Variants in MIF4GD observed in about 807,000 individuals in gnomAD.
The protein encoded by MIF4GD is MIF4G domain-containing protein.
In MIF4GD, 22 loss-of-function variants were observed where a neutral mutation model predicts 26.7. The ratio of observed to expected loss-of-function variants is 0.82; its 90% CI spans 0.59 to 1.18. The LOEUF (loss-of-function observed/expected upper bound fraction) is 1.18. Ranked by LOEUF, MIF4GD falls within the 50% of genes most tolerant of loss-of-function variation. The pLI, the probability that MIF4GD is intolerant of heterozygous loss-of-function variation, is 0.00. For synonymous variants in MIF4GD, 137 were observed against 111.6 expected, an observed-to-expected ratio of 1.23 and a Z score of -1.43; for missense variants, 262 against 279.6, an observed-to-expected ratio of 0.94 and a Z score of 0.45.
intron 5 of MIF4GD, 64 bp downstream of exon 5, chr17:75,267,474 A>G (rs748220751): frequency 6.5e-6 from 10 of 1,531,512 alleles, no homozygotes; most frequent in African/African-American, 2.7e-5. Context: ...GGGCTGACAC[A>G]CGGCTGAGCT....
chr17:75,266,407 CA>C lies in MIF4GD; in HGVS notation c.*332del. On this transcript the variant is annotated 3_prime_UTR_variant, in exon 6 of 6. Coordinates refer to ENST00000325102, the MANE Select transcript of MIF4GD (RefSeq NM_001370592.1). ...GCTCTGCCTCCACCCCTTGACATCCCAAAATATCCCACCAGTGGCTATGCTT... is the reference window on the plus strand; with the variant it reads ...GCTCTGCCTCCACCCCTTGACATCCCAAATATCCCACCAGTGGCTATGCTT... 2 of 416,922 alleles carry C rather than the reference CA, an allele frequency of 4.8e-6. No individual in the cohort carries two copies. The highest frequency in any genetic ancestry group is 4.5e-6 in the Non-Finnish European group (1 of 222,796). The allele number at this position is 416,922 out of a possible 1,614,324, so 25.8% of individuals were successfully genotyped here.
intron 4 of MIF4GD, 40 bp downstream of exon 4, chr17:75,267,706 A>G (rs1178292368): frequency 3.7e-6 from 6 of 1,612,036 alleles, no homozygotes; most frequent in Non-Finnish European, 5.1e-6. Context: ...CTCAGGAAAC[A>G]GGCCATGTCT....
chr17:75,268,049 C>G, intron 3 of MIF4GD, 34 bp downstream of exon 3: 1 of 1,609,578 alleles, frequency 6.2e-7, no homozygotes, highest in Admixed American at 1.7e-5. Context: ...GCACCTTCCT[C>G]AAAGCAGCTT....
chr17:75,270,278 G>T lies in MIF4GD; in HGVS notation c.-50-33C>A. 1 of 1,274,544 alleles carries T rather than the reference G, an allele frequency of 7.8e-7. No homozygotes were observed. Among genetic ancestry groups the T allele is most frequent in the Non-Finnish European group, 1.1e-6 (1 of 876,876 alleles). The allele number at this position is 1,274,544 out of a possible 1,614,324, so 79.0% of individuals were successfully genotyped here. On this transcript the variant is annotated intron_variant, in intron 1 of 5. Coordinates refer to ENST00000325102, the MANE Select transcript of MIF4GD (RefSeq NM_001370592.1). This position sits in a 1 kb window ranked among gnomAD's most constrained non-coding sequence, Gnocchi z 5.7. Reference sequence around the variant, plus strand: ...GAAGAGGCGAAGGGAGCGGCCTCAGGTGTGGAGCGCAGGGCGGGTTCCGTC... The same window carrying T: ...GAAGAGGCGAAGGGAGCGGCCTCAGTTGTGGAGCGCAGGGCGGGTTCCGTC...
intron 2 of MIF4GD, chr17:75,269,469 G>A (rs1416931589): frequency 1.2e-6 from 2 of 1,612,782 alleles, no homozygotes; most frequent in Admixed American, 3.3e-5. Flanking sequence ...AAGAGACGGG[G>A]CTATGGCAGC....
chr17:75,270,536 C>A lies in MIF4GD; in HGVS notation c.-50-291G>T. 3.4e-6 allele frequency: 1 copy of A among 293,022 alleles called. No homozygotes were observed. The highest frequency in any genetic ancestry group is 3.5e-5 in the South Asian group (1 of 28,634). The allele number at this position is 293,022 out of a possible 1,614,324, so 18.2% of individuals were successfully genotyped here. Reference sequence around the variant, plus strand: ...AGTCCCAGCAGGAGGCAGGAGTAGACTGGGGCAGGGTGTGTGCGGGCGGAC... The same window carrying A: ...AGTCCCAGCAGGAGGCAGGAGTAGAATGGGGCAGGGTGTGTGCGGGCGGAC... On this transcript the variant is annotated intron_variant, in intron 1 of 5. Coordinates refer to ENST00000325102, the MANE Select transcript of MIF4GD (RefSeq NM_001370592.1). This position sits in a 1 kb window ranked among gnomAD's most constrained non-coding sequence, Gnocchi z 5.7.
At chr17:75,268,807 C>T (rs1328820710) in intron 2 of MIF4GD, among the ~76,000 whole-genome samples, 1 of 151,858 alleles carries the variant, frequency 6.6e-6, no homozygotes, top group Non-Finnish European at 1.5e-5. Context: ...AGGTCAAGAC[C>T]AGCCTGGCCA....
Position 75,268,065 on chromosome 17 carries a change from C to A in MIF4GD, c.192+18G>T. On this transcript the variant is annotated intron_variant, in intron 3 of 5. Coordinates refer to ENST00000325102, the MANE Select transcript of MIF4GD (RefSeq NM_001370592.1). ...CACCTTCCTCAAAGCAGCTTCCTTT[C>A]CTCTCCCAACCCCCAACCTGAATGA... 1.2e-6 allele frequency: 2 copies of A among 1,613,344 alleles called. No individual in the cohort carries two copies. Among genetic ancestry groups the A allele is most frequent in the Non-Finnish European group, 1.7e-6 (2 of 1,179,290 alleles).
chr17:75,267,850 G>A lies in MIF4GD; in HGVS notation c.244C>T (p.Arg82Trp), dbSNP rs750318301. The change falls in exon 4 of 6, where the codon CGG (arginine) becomes TGG (tryptophan). Residue 82 changes from arginine (R) to tryptophan (W), a missense_variant. Coordinates refer to ENST00000325102, the MANE Select transcript of MIF4GD (RefSeq NM_001370592.1). Reference protein sequence around the residue: ...QSVFRRGLLNRLQQEYQAREQ... With the variant: ...QSVFRRGLLNWLQQEYQAREQ... ...CGAGCCTGGTACTCCTGCTGCAGCC[G>A]GTTGAGGAGTCCACGTCGGAAGACA... 57 of 1,613,838 alleles carry A rather than the reference G, an allele frequency of 3.5e-5. No individual in the cohort carries two copies. Among genetic ancestry groups the A allele is most frequent in the Non-Finnish European group, 4.5e-5 (53 of 1,180,020 alleles).
In MIF4GD at chr17:75,268,116, C is replaced by G. The variant is rs1208088240; in HGVS notation, c.159G>C (p.Lys53Asn). ...TGGCGTAGCACATGCGTCCTGCTTC[C>G]TTGCTGAACACACAGTCCTGCAGAG... ...DHSLQDCVFS[K>N]EAGRMCYAII... The change falls in exon 3 of 6, where the codon AAG (lysine) becomes AAC (asparagine). Residue 53 changes from lysine (K) to asparagine (N), a missense_variant. Coordinates refer to ENST00000325102, the MANE Select transcript of MIF4GD (RefSeq NM_001370592.1). 1.9e-6 allele frequency: 3 copies of G among 1,614,130 alleles called. No homozygotes were observed. The East Asian group carries it at 6.7e-5, about 36-fold the overall frequency.
At chr17:75,268,287 C>G in intron 2 of MIF4GD, 95 bp from the exon 3 acceptor site, 1 of 919,824 alleles carries the variant, frequency 1.1e-6, no homozygotes, top group East Asian at 2.5e-5. Flanking sequence ...CAGTAGAGCA[C>G]TCATATGCTT....
At chr17:75,269,741 C>CTTT (rs1207377348) in intron 2 of MIF4GD, among the ~76,000 whole-genome samples, 16 of 107,608 alleles carry the variant, frequency 1.5e-4, no homozygotes, top group East Asian at 1.2e-3. Flanking sequence ...TCTTTTCTTT[C>CTTT]TTTTTTTTTT....
intron 2 of MIF4GD, chr17:75,269,360 G>A: frequency 6.2e-7 from 1 of 1,614,058 alleles, no homozygotes; most frequent in Non-Finnish European, 8.5e-7. Flanking sequence ...TGTACTGCGT[G>A]TTACAGCGGG....
In MIF4GD at chr17:75,267,875, ACT is replaced by A. The variant is rs762277397; in HGVS notation, c.217_218del (p.Ser73CysfsTer40). On this transcript the variant is annotated frameshift_variant, in exon 4 of 6. Transcript: ENST00000325102. LOFTEE classifies it high-confidence loss of function. ...GGTTGAGGAGTCCACGTCGGAAGACACTCTGGCCTGCTTGTTTACTCTCTGCC... is the reference window on the plus strand; with the variant it reads ...GGTTGAGGAGTCCACGTCGGAAGACACTGGCCTGCTTGTTTACTCTCTGCC... Reference protein sequence around the residue: ...IQAESKQAGQSVFRRGLLNRL... With the variant: ...IQAESKQAGQXVFRRGLLNRL... 3.1e-6 allele frequency: 5 copies of A among 1,613,082 alleles called. No homozygotes were observed. The highest frequency in any genetic ancestry group is 2.2e-5 in the East Asian group (1 of 44,900).
At position 75,270,336 on chromosome 17, in the gene MIF4GD, C is replaced by T. The variant is rs1028613640; in HGVS notation, c.-50-91G>A. Reference sequence around the variant, plus strand: ...CCCTGGACGGGGCTGACGGCGCGCTCGGGACAGGGACTCCTGGGCGGTCCG... The same window carrying T: ...CCCTGGACGGGGCTGACGGCGCGCTTGGGACAGGGACTCCTGGGCGGTCCG... On this transcript the variant is annotated intron_variant, in intron 1 of 5. Coordinates refer to ENST00000325102, the MANE Select transcript of MIF4GD (RefSeq NM_001370592.1). This position sits in a 1 kb window ranked among gnomAD's most constrained non-coding sequence, Gnocchi z 5.7. 10 of 718,782 alleles carry T rather than the reference C, an allele frequency of 1.4e-5. No homozygotes were observed. Among genetic ancestry groups the T allele is most frequent in the Non-Finnish European group, 2.2e-5 (9 of 413,670 alleles). 44.5% of individuals were successfully genotyped at this position (718,782 alleles called of 1,614,324 possible). A position where few individuals can be genotyped will look rare whatever the true frequency, so the allele number is the denominator to read the frequency against.
Position 75,266,697 on chromosome 17 carries a change from A to G in MIF4GD, c.*43T>C. The G allele has an allele frequency of 6.3e-7, 1 of 1,575,880 alleles. No homozygotes were observed. The highest frequency in any genetic ancestry group is 1.1e-5 in the South Asian group (1 of 90,178). ...TCCACTGCCAGCTTTAGAGGTGGGTAGAAGAAAGGCCAGTGCTGGTGAGGA... is the reference window on the plus strand; with the variant it reads ...TCCACTGCCAGCTTTAGAGGTGGGTGGAAGAAAGGCCAGTGCTGGTGAGGA... On this transcript the variant is annotated 3_prime_UTR_variant, in exon 6 of 6. Coordinates refer to ENST00000325102, the MANE Select transcript of MIF4GD (RefSeq NM_001370592.1).
At chr17:75,268,613 A>G in intron 2 of MIF4GD, among the ~76,000 whole-genome samples, 1 of 150,504 alleles carries the variant, frequency 6.6e-6, no homozygotes, top group Admixed American at 6.6e-5. Context: ...CGGAGGTTGC[A>G]GTGAGCCGAG....
intron 5 of MIF4GD, 81 bp from the exon 6 acceptor site, chr17:75,267,048 T>C: frequency 7.9e-7 from 1 of 1,265,762 alleles, no homozygotes; most frequent in African/African-American, 1.5e-5. Flanking sequence ...TGCCAGGTGC[T>C]GTGCTTTGCC....
rs2077505721 is a variant in MIF4GD, at chr17:75,266,913, T to A, written c.496A>T (p.Asn166Tyr). The change falls in exon 6 of 6, where the codon AAT (asparagine) becomes TAT (tyrosine). Residue 166 changes from asparagine (N) to tyrosine (Y), a missense_variant. By Grantham distance (143) the Asn-to-Tyr change is moderately radical (BLOSUM62 -2). Transcript: ENST00000325102. ...AAGAGCTCATCCATGCGCTGCCCAT[T>A]CATTTTCTCCAGCTGCTCCCCAACC... Reference protein sequence around the residue: ...HRVGEQLEKMNGQRMDELFVL... With the variant: ...HRVGEQLEKMYGQRMDELFVL... The A allele has an allele frequency of 1.2e-6, 2 of 1,614,108 alleles. No individual in the cohort carries two copies. The highest frequency in any genetic ancestry group is 1.7e-6 in the Non-Finnish European group (2 of 1,180,022).
Sources: allele counts gnomAD v4.1 joint callset (sites outside exome capture counted in the v4.1 genomes callset), GRCh38; gene constraint gnomAD v4.1.1; non-coding constraint Gnocchi (gnomAD v3.1); transcripts MANE v1.5; gene names NCBI Gene and HGNC (gene_info 2026-07-23, HGNC 2026-07-21).